The following SORCS3 variants were observed in gnomAD, a reference collection of about 807,000 sequenced individuals.
SORCS3 encodes VPS10 domain-containing receptor SorCS3.
In SORCS3, 57 loss-of-function variants were observed where a neutral mutation model predicts 146.3. The observed-to-expected ratio is 0.39, with a 90% CI of 0.31 to 0.49. The LOEUF is 0.49. Among genes scored for constraint, SORCS3 ranks in the 20% least tolerant of loss-of-function variants. SORCS3 has a pLI of 0.92. For synonymous variants in SORCS3, 653 were observed against 618.5 expected (o/e 1.06, Z -0.83); for missense variants, 1,341 against 1,575.5 (o/e 0.85, Z 2.52).
chr10:104,751,424 C>T (rs1222680261), intron 1 of SORCS3, among the ~76,000 whole-genome samples: 1 of 152,130 alleles, frequency 6.6e-6, no homozygotes, highest in Non-Finnish European at 1.5e-5. Context: ...GACCATCCTG[C>T]AAGAGATGGG....
At chr10:104,796,248 G>A (rs1047716401) in intron 1 of SORCS3, among the ~76,000 whole-genome samples, 2 of 152,192 alleles carry the variant, frequency 1.3e-5, no homozygotes, top group East Asian at 1.9e-4. Context: ...TAGCTAGAAC[G>A]CTAAGTGGTA....
intron 2 of SORCS3, among the ~76,000 whole-genome samples, chr10:104,897,850 C>T (rs12359434): frequency 2.0e-5 from 3 of 152,190 alleles, no homozygotes; most frequent in Non-Finnish European, 4.4e-5. Context: ...GGTAGTCCCA[C>T]GTATGCTTGC....
intron 5 of SORCS3, among the ~76,000 whole-genome samples, chr10:105,076,832 A>T (rs1032028451): frequency 6.6e-6 from 1 of 152,196 alleles, no homozygotes; most frequent in Non-Finnish European, 1.5e-5. Flanking sequence ...TCCTATTCCT[A>T]GTAGAGCAGT....
At chr10:105,149,547 A>G (rs2056154231) in intron 9 of SORCS3, among the ~76,000 whole-genome samples, 1 of 152,192 alleles carries the variant, frequency 6.6e-6, no homozygotes, top group Non-Finnish European at 1.5e-5. Flanking sequence ...TTATTGGACA[A>G]TAAGTCACAT....
intron 11 of SORCS3, among the ~76,000 whole-genome samples, chr10:105,162,195 A>G (rs1385270759): frequency 6.6e-6 from 1 of 152,204 alleles, no homozygotes; most frequent in Non-Finnish European, 1.5e-5. Context: ...AGAGAAGGAT[A>G]GCACTGGGAG....
At chr10:105,213,319 G>T (rs755624529) in intron 17 of SORCS3, among the ~76,000 whole-genome samples, 6 of 152,168 alleles carry the variant, frequency 3.9e-5, no homozygotes, top group African/African-American at 9.7e-5. Context: ...CAGGTATGAT[G>T]GAAGACTAAT....
chr10:104,717,209 T>C (rs559945639), intron 1 of SORCS3, among the ~76,000 whole-genome samples: 1 of 149,722 alleles, frequency 6.7e-6, no homozygotes, highest in African/African-American at 2.5e-5. Flanking sequence ...CACTTGAGCC[T>C]AGGAGTTTGA....
intron 20 of SORCS3, 71 bp from the exon 21 acceptor site, chr10:105,245,471 G>A: frequency 8.3e-6 from 13 of 1,561,422 alleles, no homozygotes; most frequent in Non-Finnish European, 1.1e-5. Context: ...GACAGTCTGA[G>A]AGTTTCAGGA....
intron 1 of SORCS3, among the ~76,000 whole-genome samples, chr10:104,733,624 C>T (rs772052720): frequency 4.7e-5 from 7 of 149,980 alleles, no homozygotes; most frequent in African/African-American, 4.9e-5. Context: ...TTAAGAAATA[C>T]GGAGATCAGA....
chr10:104,801,135 T>A (rs1440574850), intron 1 of SORCS3, among the ~76,000 whole-genome samples: 3 of 152,198 alleles, frequency 2.0e-5, no homozygotes, highest in Non-Finnish European at 4.4e-5. Context: ...CAAATCCCAT[T>A]TCTGCCACTC....
chr10:105,160,286 C>G (rs1422376826), intron 11 of SORCS3, among the ~76,000 whole-genome samples: 2 of 152,088 alleles, frequency 1.3e-5, no homozygotes, highest in East Asian at 3.8e-4. Context: ...CATAATAGTA[C>G]CAAAATAATA....
At chr10:105,125,826 A>C (rs951619947) in intron 7 of SORCS3, among the ~76,000 whole-genome samples, 7 of 152,048 alleles carry the variant, frequency 4.6e-5, no homozygotes, top group Non-Finnish European at 1.0e-4. Flanking sequence ...CTGAGTCCCT[A>C]CTTTGTGTCA....
At chr10:105,071,834 G>T (rs898838701) in intron 5 of SORCS3, among the ~76,000 whole-genome samples, 1 of 152,170 alleles carries the variant, frequency 6.6e-6, no homozygotes, top group Admixed American at 6.5e-5. Flanking sequence ...ATGAGGAAAC[G>T]AAGGCTTAAG....
chr10:104,966,956 G>GT (rs199863178), intron 3 of SORCS3, among the ~76,000 whole-genome samples: 21,835 of 138,576 alleles, frequency 0.16, 2,819 homozygotes, highest in African/African-American at 0.37. Context: ...AGCATTACAA[G>GT]TTTTTTTTTT....
intron 3 of SORCS3, among the ~76,000 whole-genome samples, chr10:104,972,275 A>C (rs1236945288): frequency 6.6e-6 from 1 of 152,206 alleles, no homozygotes; most frequent in Non-Finnish European, 1.5e-5. Flanking sequence ...GAGGTTAGGT[A>C]ACTTTCTCAA....
chr10:104,869,128 T>C (rs1187316476), intron 2 of SORCS3, among the ~76,000 whole-genome samples: 1 of 152,052 alleles, frequency 6.6e-6, no homozygotes, highest in East Asian at 1.9e-4. Flanking sequence ...ACCAATATGA[T>C]GGATATGTGT....
Position 104,769,760 on chromosome 10 carries a change from CCT to C in SORCS3, c.628-73027_628-73026del, listed in dbSNP as rs1235114452. 3.3e-5 allele frequency among the ~76,000 whole-genome samples: 5 copies of C among 151,980 alleles called. No homozygotes were observed. The East Asian group carries it at 7.7e-4, about 23-fold the overall frequency. On this transcript the variant is annotated intron_variant, in intron 1 of 26. Coordinates refer to ENST00000369701, the MANE Select transcript of SORCS3 (RefSeq NM_014978.3). ...CACTGACTCTGAGGCTTAAGTGTCC[CCT>C]CTCTGTGTGTGCGACCTTGAATAGG...
At position 104,934,276 on chromosome 10, in the gene SORCS3, C is replaced by T. The variant is rs749488216; in HGVS notation, c.795+18344C>T. Among the ~76,000 whole-genome samples, 47 of 152,182 alleles carry T rather than the reference C, an allele frequency of 3.1e-4. 1 individual carries two copies. The highest frequency in any genetic ancestry group is 1.0e-4 in the Non-Finnish European group (7 of 68,040). ...CTCATCTACCATGGAGAATCTGATT[C>T]TACAGGTCTGGGAAAGGTTAAGGCT... is the stretch of plus-strand genomic sequence containing the variant. On this transcript the variant is annotated intron_variant, in intron 3 of 26. Coordinates refer to ENST00000369701, the MANE Select transcript of SORCS3 (RefSeq NM_014978.3).
At chr10:104,719,846 A>G (rs1336511297) in intron 1 of SORCS3, among the ~76,000 whole-genome samples, 1 of 152,162 alleles carries the variant, frequency 6.6e-6, no homozygotes, top group Non-Finnish European at 1.5e-5. Flanking sequence ...AAGTGTGTGA[A>G]TGTATGTGTT....
Sources: allele counts gnomAD v4.1 joint callset (sites outside exome capture counted in the v4.1 genomes callset), GRCh38; gene constraint gnomAD v4.1.1; transcripts MANE v1.5; gene names NCBI Gene and HGNC (gene_info 2026-07-23, HGNC 2026-07-21).